Variants in SEMA6D observed in about 807,000 individuals in gnomAD.
SEMA6D encodes the protein semaphorin-6D.
Under a neutral mutation model 106.6 loss-of-function variants are expected in SEMA6D, and 35 were observed. The ratio of observed to expected loss-of-function variants is 0.33; its 90% CI spans 0.25 to 0.44. The LOEUF (loss-of-function observed/expected upper bound fraction) is 0.44. Among genes scored for constraint, SEMA6D ranks in the 20% least tolerant of loss-of-function variants. The pLI, the probability that SEMA6D is intolerant of heterozygous loss-of-function variation, is 1.00. For synonymous variants in SEMA6D, 499 were observed against 487.7 expected (o/e 1.02, Z -0.31); for missense variants, 1,185 against 1,345.9 (o/e 0.88, Z 1.87).
intron 1 of SEMA6D, among the ~76,000 whole-genome samples, chr15:47,409,892 G>A (rs1309149424): frequency 2.6e-5 from 4 of 151,900 alleles, no homozygotes; most frequent in Non-Finnish European, 4.4e-5. Context: ...AACTATTTTC[G>A]GGGTTGTGGG....
intron 3 of SEMA6D, among the ~76,000 whole-genome samples, chr15:47,561,271 A>G (rs1433205795): frequency 6.6e-6 from 1 of 152,092 alleles, no homozygotes; most frequent in Non-Finnish European, 1.5e-5. Flanking sequence ...ATACAGGGGA[A>G]TGATTAACAG....
chr15:47,259,460 A>G (rs1213214758), intron 1 of SEMA6D, among the ~76,000 whole-genome samples: 1 of 151,550 alleles, frequency 6.6e-6, no homozygotes, highest in East Asian at 1.9e-4. Context: ...TATAGTTGAG[A>G]GTTCTTTTTT....
intron 3 of SEMA6D, among the ~76,000 whole-genome samples, chr15:47,493,169 A>T (rs1202693926): frequency 6.6e-6 from 1 of 152,194 alleles, no homozygotes; most frequent in Non-Finnish European, 1.5e-5. Flanking sequence ...CTCATCCCTC[A>T]TGCTTGAGAT....
chr15:47,659,535 G>A (rs1001409920), intron 4 of SEMA6D, among the ~76,000 whole-genome samples: 1 of 151,720 alleles, frequency 6.6e-6, no homozygotes, highest in Non-Finnish European at 1.5e-5. Flanking sequence ...TTTATTTTTT[G>A]TCATTTACAA....
intron 3 of SEMA6D, among the ~76,000 whole-genome samples, chr15:47,551,939 T>A (rs1253734201): frequency 7.9e-5 from 12 of 152,162 alleles, no homozygotes; most frequent in Non-Finnish European, 1.2e-4. Context: ...TGAAAAGGAA[T>A]TTGACCTTAG....
At chr15:47,525,821 A>G (rs527545530) in intron 3 of SEMA6D, among the ~76,000 whole-genome samples, 6 of 152,306 alleles carry the variant, frequency 3.9e-5, no homozygotes, top group African/African-American at 1.4e-4. Flanking sequence ...CTGAAATCAG[A>G]TAGGCAGTTT....
intron 1 of SEMA6D, among the ~76,000 whole-genome samples, chr15:47,321,782 G>A (rs2036934449): frequency 6.6e-6 from 1 of 152,056 alleles, no homozygotes; most frequent in Admixed American, 6.5e-5. Context: ...TAGTTACAGA[G>A]AGTGGCTACC....
At chr15:47,446,950 C>T (rs1948572) in intron 2 of SEMA6D, among the ~76,000 whole-genome samples, 72,997 of 151,982 alleles carry the variant, frequency 0.48, 18,865 homozygotes, top group African/African-American at 0.68. Context: ...TTTCTGTTTG[C>T]GTGCAGGACA....
At chr15:47,536,168 C>T (rs1291152973) in intron 3 of SEMA6D, among the ~76,000 whole-genome samples, 1 of 152,134 alleles carries the variant, frequency 6.6e-6, no homozygotes, top group East Asian at 1.9e-4. Context: ...TTTAATGTAA[C>T]AATCATTTAT....
chr15:47,710,459 T>C (rs543953524), intron 4 of SEMA6D, among the ~76,000 whole-genome samples: 1 of 152,364 alleles, frequency 6.6e-6, no homozygotes, highest in Admixed American at 6.5e-5. Context: ...AATCTGTTTA[T>C]TTTATAATTA....
chr15:47,266,399 C>T (rs2034319351), intron 1 of SEMA6D, among the ~76,000 whole-genome samples: 1 of 152,054 alleles, frequency 6.6e-6, no homozygotes, highest in African/African-American at 2.4e-5. Context: ...TTGGTGGAGA[C>T]AGAGCTTTCC....
intron 3 of SEMA6D, among the ~76,000 whole-genome samples, chr15:47,492,762 T>G (rs1479824540): frequency 6.6e-6 from 1 of 152,164 alleles, no homozygotes. Flanking sequence ...TTGGCATAAC[T>G]ATAACCGCTG....
intron 4 of SEMA6D, among the ~76,000 whole-genome samples, chr15:47,683,138 G>A (rs2078394626): frequency 6.6e-6 from 1 of 152,116 alleles, no homozygotes; most frequent in African/African-American, 2.4e-5. Context: ...TGAGGTTTGG[G>A]CTTAGAGTGT....
intron 1 of SEMA6D, among the ~76,000 whole-genome samples, chr15:47,404,513 G>T (rs1404475559): frequency 6.6e-6 from 1 of 152,120 alleles, no homozygotes; most frequent in East Asian, 1.9e-4. Context: ...TTGTAGCACA[G>T]ACCACCACCT....
intron 1 of SEMA6D, among the ~76,000 whole-genome samples, chr15:47,363,125 T>A (rs2038875031): frequency 6.6e-6 from 1 of 152,186 alleles, no homozygotes; most frequent in African/African-American, 2.4e-5. Context: ...ACTCAGCTTA[T>A]CCTTATGAAC....
chr15:47,701,046 T>C (rs2078800212), intron 4 of SEMA6D, among the ~76,000 whole-genome samples: 1 of 152,228 alleles, frequency 6.6e-6, no homozygotes, highest in African/African-American at 2.4e-5. Context: ...AGTGACATTT[T>C]AGATACAGCA....
intron 1 of SEMA6D, among the ~76,000 whole-genome samples, chr15:47,225,939 A>ATG (rs1231335964): frequency 8.5e-5 from 13 of 152,060 alleles, no homozygotes; most frequent in Non-Finnish European, 1.5e-4. Context: ...TAACACAGTA[A>ATG]TGTTGCTATA....
chr15:47,227,250 C>T (rs2031745274), intron 1 of SEMA6D, among the ~76,000 whole-genome samples: 1 of 152,004 alleles, frequency 6.6e-6, no homozygotes, highest in Non-Finnish European at 1.5e-5. Context: ...AAAGCTCCTA[C>T]TTCTGTTGTA....
rs76925295 is a variant in SEMA6D at position 47,743,383 on chromosome 15, T to G, written c.-54-16362T>G. Among the ~76,000 whole-genome samples the G allele has an allele frequency of 2.1e-3, 307 of 148,368 alleles. 6 individuals are homozygous for G. The South Asian group carries it at 0.038, about 18-fold the overall frequency. ...AGGGCTCTGTGGAGATTTTTCAATG[T>G]TTTTTTTTTCTTGAGAAGGCACAGG... On this transcript the variant is annotated intron_variant, in intron 1 of 18. Transcript: ENST00000536845.
Sources: allele counts gnomAD v4.1 joint callset (sites outside exome capture counted in the v4.1 genomes callset), GRCh38; gene constraint gnomAD v4.1.1; transcripts MANE v1.5; gene names NCBI Gene and HGNC (gene_info 2026-07-23, HGNC 2026-07-21).